The following PAK3 variants were observed in gnomAD, a reference collection of about 807,000 sequenced individuals.
The protein encoded by PAK3 is p21 (RAC1) activated kinase 3, also known as serine/threonine-protein kinase PAK 3.
A neutral mutation model predicts 41.0 loss-of-function variants in PAK3; 4 were observed. The ratio of observed to expected loss-of-function variants is 0.10; its 90% confidence interval spans 0.05 to 0.22. The LOEUF (loss-of-function observed/expected upper bound fraction) is 0.22. PAK3 is among the 10% of genes least tolerant of loss of function. The probability of loss-of-function intolerance (pLI) is 1.00; values close to 1 mark genes in which losing one functional copy is unlikely to be tolerated. For synonymous variants in PAK3, 146 were observed against 139.6 expected, an observed-to-expected ratio of 1.05 and a Z score of -0.32; for missense variants, 205 against 409.9, an observed-to-expected ratio of 0.50 and a Z score of 4.32.
At chrX:111,020,534 G>A (rs1288968349) in intron 1 of PAK3, among the ~76,000 whole-genome samples, 1 of 111,319 alleles carries the variant, frequency 9.0e-6, no homozygotes, top group Non-Finnish European at 1.9e-5. Flanking sequence ...GCAGATAGGA[G>A]GCAGGACTAG....
At chrX:111,217,014 G>A in intron 17 of PAK3, 1 of 751,339 alleles carries the variant, frequency 1.3e-6, no homozygotes, top group Non-Finnish European at 1.6e-6. Context: ...GCTTGCCTGG[G>A]TGAGTACCAT....
chrX:111,190,110 A>T (rs1256201806), intron 11 of PAK3, among the ~76,000 whole-genome samples: 1 of 111,545 alleles, frequency 9.0e-6, no homozygotes, highest in Admixed American at 9.6e-5. Context: ...AAGCCTAAGA[A>T]ATTTCTAGAA....
At chrX:111,147,416 A>G (rs1411997211) in intron 6 of PAK3, among the ~76,000 whole-genome samples, 1 of 111,213 alleles carries the variant, frequency 9.0e-6, no homozygotes. Flanking sequence ...CCAGAAAAAA[A>G]ATAAGCTAAG....
intron 10 of PAK3, among the ~76,000 whole-genome samples, chrX:111,168,868 C>T (rs1294818135): frequency 1.8e-5 from 2 of 111,071 alleles, no homozygotes; most frequent in Non-Finnish European, 3.8e-5. Context: ...ACTTTAAAAT[C>T]GTCATTTCAT....
At chrX:111,181,622 A>T (rs1293709706) in intron 11 of PAK3, among the ~76,000 whole-genome samples, 2 of 111,777 alleles carry the variant, frequency 1.8e-5, no homozygotes, top group African/African-American at 6.5e-5. Context: ...ATTGAAGATG[A>T]ATAGCTTTGA....
intron 1 of PAK3, among the ~76,000 whole-genome samples, chrX:111,035,670 T>A (rs1354351033): frequency 8.9e-6 from 1 of 112,348 alleles, no homozygotes; most frequent in Non-Finnish European, 1.9e-5. Flanking sequence ...TACATGATAT[T>A]ATGTTTTAGT....
chrX:111,081,041 C>T (rs1302523689), intron 1 of PAK3, among the ~76,000 whole-genome samples: 1 of 111,393 alleles, frequency 9.0e-6, no homozygotes, highest in East Asian at 2.8e-4. Flanking sequence ...TTGCTTAACT[C>T]AGAAGCAGAA....
intron 1 of PAK3, among the ~76,000 whole-genome samples, chrX:110,979,230 T>G (rs1284838944): frequency 3.6e-5 from 4 of 109,884 alleles, no homozygotes; most frequent in Non-Finnish European, 7.6e-5. Context: ...GAAGGATCAA[T>G]TCAGTCAATT....
chrX:111,003,083 G>A, intron 1 of PAK3, among the ~76,000 whole-genome samples: 1 of 111,982 alleles, frequency 8.9e-6, no homozygotes, highest in East Asian at 2.8e-4. Context: ...GACAAGCAAA[G>A]CACTGAGTGC....
intron 11 of PAK3, among the ~76,000 whole-genome samples, chrX:111,174,152 A>G (rs183162445): frequency 1.8e-5 from 2 of 111,949 alleles, no homozygotes; most frequent in African/African-American, 6.5e-5. Context: ...TGGCATACTT[A>G]GGTTCAAAAA....
At chrX:111,039,994 CAAAA>C (rs141289134) in intron 1 of PAK3, among the ~76,000 whole-genome samples, 6 of 49,274 alleles carry the variant, frequency 1.2e-4, no homozygotes, top group Admixed American at 7.1e-4. Flanking sequence ...GTAGATGGAG[CAAAA>C]AAAAAAAAAA....
intron 1 of PAK3, among the ~76,000 whole-genome samples, chrX:111,001,585 CA>C (rs1374379893): frequency 8.9e-6 from 1 of 112,010 alleles, no homozygotes; most frequent in Non-Finnish European, 1.9e-5. Context: ...AAATCCAGAA[CA>C]TTTTTTTGAT....
intron 1 of PAK3, among the ~76,000 whole-genome samples, chrX:111,078,070 A>G (rs1354190040): frequency 8.9e-6 from 1 of 111,832 alleles, no homozygotes. Flanking sequence ...GCTCAACATC[A>G]CTAATCAACA....
intron 1 of PAK3, among the ~76,000 whole-genome samples, chrX:110,965,550 C>T (rs1435389727): frequency 1.8e-5 from 2 of 112,129 alleles, no homozygotes. Flanking sequence ...AACTATAGCA[C>T]TGTGGTTAAG....
chrX:111,119,819 C>A (rs1394119972), intron 4 of PAK3, among the ~76,000 whole-genome samples: 3 of 112,051 alleles, frequency 2.7e-5, no homozygotes, highest in Non-Finnish European at 5.6e-5. Context: ...AGGTCCCTAC[C>A]CTTTCTCCAT....
intron 5 of PAK3, among the ~76,000 whole-genome samples, chrX:111,126,656 G>C (rs998951503): frequency 2.7e-5 from 3 of 111,475 alleles, no homozygotes; most frequent in Non-Finnish European, 5.6e-5. Flanking sequence ...CACAATATTA[G>C]TGATAATTGA....
chrX:111,217,134 T>A (rs2149399923), intron 17 of PAK3: 1 of 507,748 alleles, frequency 2.0e-6, no homozygotes, highest in South Asian at 1.0e-4. Context: ...AATAAATTAT[T>A]TCATTTTTAT....
chrX:111,113,604 TTGTC>T, intron 4 of PAK3, among the ~76,000 whole-genome samples: 1 of 112,057 alleles, frequency 8.9e-6, no homozygotes, highest in South Asian at 3.8e-4. Flanking sequence ...AGTTCTATTT[TTGTC>T]TGTATATGAC....
At position 111,068,251 on chromosome X, in the gene PAK3, T is replaced by G. The variant is rs1276341606; in HGVS notation, c.-27-54826T>G. Among the ~76,000 whole-genome samples the G allele has an allele frequency of 2.7e-5, 3 of 111,753 alleles. No individual in the cohort carries two copies. In the East Asian group the frequency reaches 8.4e-4, roughly 31 times the overall value. ...TTTATTTGTTTTCTATTTAACAGTT[T>G]TCTGTTTTTATCTTAATCTCTCCCT... On this transcript the variant is annotated intron_variant, in intron 1 of 14. Coordinates refer to the PAK3 transcript ENST00000425146.
Sources: allele counts gnomAD v4.1 joint callset (sites outside exome capture counted in the v4.1 genomes callset), GRCh38; gene constraint gnomAD v4.1.1; transcripts MANE v1.5; gene names NCBI Gene and HGNC (gene_info 2026-07-23, HGNC 2026-07-21).